The following GRIK2 variants were observed in gnomAD, a reference collection of about 807,000 sequenced individuals.
The protein encoded by GRIK2 is glutamate ionotropic receptor kainate type subunit 2.
Under a neutral mutation model 100.3 loss-of-function variants are expected in GRIK2, and 32 were observed. The observed-to-expected ratio is 0.32, with a 90% confidence interval of 0.24 to 0.43. The LOEUF (loss-of-function observed/expected upper bound fraction) is 0.43, where lower values mean the gene tolerates loss of function less well. Among genes scored for constraint, GRIK2 ranks in the 20% least tolerant of loss-of-function variants. The probability of loss-of-function intolerance (pLI) is 1.00; values close to 1 mark genes in which losing one functional copy is unlikely to be tolerated. For missense variants in GRIK2, 843 were observed against 1,114.9 expected (o/e 0.76, Z 3.47); for synonymous variants, 417 against 389.4 (o/e 1.07, Z -0.83).
At chr6:101,957,293 T>C (rs1389885867) in intron 14 of GRIK2, among the ~76,000 whole-genome samples, 1 of 151,946 alleles carries the variant, frequency 6.6e-6, no homozygotes. Context: ...TTGTATGTCT[T>C]ATTCTGAAAA....
intron 14 of GRIK2, among the ~76,000 whole-genome samples, chr6:102,031,127 A>ACACACACC (rs1313794193): frequency 1.7e-5 from 1 of 57,686 alleles, no homozygotes; most frequent in Non-Finnish European, 4.5e-5. Flanking sequence ...ACACACACAC[A>ACACACACC]CCCCCTTTGA....
intron 11 of GRIK2, among the ~76,000 whole-genome samples, chr6:101,873,834 C>A (rs1156453690): frequency 1.3e-5 from 2 of 152,106 alleles, no homozygotes; most frequent in Non-Finnish European, 2.9e-5. Flanking sequence ...ATTTGCATTT[C>A]TCTGATGGCC....
At chr6:101,619,150 T>C (rs962842339) in intron 2 of GRIK2, among the ~76,000 whole-genome samples, 1 of 151,142 alleles carries the variant, frequency 6.6e-6, no homozygotes, top group African/African-American at 2.4e-5. Context: ...AATTCTTTAC[T>C]AGATTTTTTT....
In GRIK2 at chr6:101,608,125, T is replaced by C. The variant is rs548113394; in HGVS notation, c.116-13824T>C. ...TTTTTTTCAATAGAAAACTGAAGTA[T>C]AAAAAATGAAGTGATTTGCCTAAGG... is the stretch of plus-strand genomic sequence containing the variant. On this transcript the variant is annotated intron_variant, in intron 2 of 16. Transcript: ENST00000369134. Among the ~76,000 whole-genome samples, 19 of 151,976 alleles carry C rather than the reference T, an allele frequency of 1.3e-4. 1 individual carries two copies. In the East Asian group the frequency reaches 3.5e-3, roughly 28 times the overall value.
chr6:101,907,466 T>C (rs1344112838), intron 12 of GRIK2, among the ~76,000 whole-genome samples: 1 of 151,688 alleles, frequency 6.6e-6, no homozygotes, highest in Non-Finnish European at 1.5e-5. Flanking sequence ...AGAAATAAGA[T>C]GACCTAACAA....
intron 7 of GRIK2, among the ~76,000 whole-genome samples, chr6:101,771,209 G>C (rs114804150): frequency 0.029 from 4,420 of 151,980 alleles, 234 homozygotes; most frequent in African/African-American, 0.1. Flanking sequence ...GCAAAAAGAA[G>C]CATATTAGTT....
intron 16 of GRIK2, among the ~76,000 whole-genome samples, chr6:102,064,361 TCC>T (rs1181827596): frequency 2.7e-5 from 4 of 145,596 alleles, no homozygotes; most frequent in Non-Finnish European, 4.5e-5. Context: ...TTTCCTTCCT[TCC>T]TTCTTTCTTT....
intron 7 of GRIK2, among the ~76,000 whole-genome samples, chr6:101,729,595 C>G (rs1775115260): frequency 6.6e-6 from 1 of 151,748 alleles, no homozygotes; most frequent in Non-Finnish European, 1.5e-5. Flanking sequence ...TCCTTATTTA[C>G]TAACTGAAAT....
rs372694698 is a variant in GRIK2, at chr6:101,789,922, G to A, written c.952-9726G>A. 3.3e-5 allele frequency among the ~76,000 whole-genome samples: 5 copies of A among 152,072 alleles called. No individual in the cohort carries two copies. The East Asian group carries it at 5.8e-4, about 18-fold the overall frequency. ...AGTTCTCCTTGAAGAGGTCCTTCAC[G>A]TCCCTTGTAAGTTGGATTCCTAAGT... On this transcript the variant is annotated intron_variant, in intron 7 of 16. Transcript: ENST00000369134.
chr6:101,909,375 T>TTTTTTGTTTG (rs1562480881), intron 12 of GRIK2, among the ~76,000 whole-genome samples: 1 of 117,916 alleles, frequency 8.5e-6, no homozygotes, highest in South Asian at 3.2e-4. Context: ...GATAGGGTTT[T>TTTTTTGTTTG]CTTTTTCTTT....
chr6:101,968,795 T>A (rs1792860033), intron 14 of GRIK2, among the ~76,000 whole-genome samples: 2 of 151,976 alleles, frequency 1.3e-5, no homozygotes, highest in South Asian at 2.1e-4. Flanking sequence ...AAAATATTAA[T>A]TAGAAGTATT....
At chr6:102,020,124 T>C (rs1324010644) in intron 14 of GRIK2, among the ~76,000 whole-genome samples, 1 of 151,934 alleles carries the variant, frequency 6.6e-6, no homozygotes, top group Non-Finnish European at 1.5e-5. Context: ...AGAGTAAGTA[T>C]CTCAGGGTCC....
intron 4 of GRIK2, among the ~76,000 whole-genome samples, chr6:101,643,929 C>T (rs905225708): frequency 3.3e-5 from 5 of 151,810 alleles, no homozygotes; most frequent in Middle Eastern, 6.8e-3. Context: ...AATCAACTAA[C>T]ATAGATTCTT....
At chr6:101,979,206 G>GT in intron 14 of GRIK2, among the ~76,000 whole-genome samples, 1 of 151,958 alleles carries the variant, frequency 6.6e-6, no homozygotes, top group South Asian at 2.1e-4. Flanking sequence ...TAGTCAGAGA[G>GT]TGGACTACAG....
chr6:101,690,243 A>G (rs1459115113), intron 7 of GRIK2, among the ~76,000 whole-genome samples: 1 of 151,366 alleles, frequency 6.6e-6, no homozygotes, highest in Admixed American at 6.6e-5. Flanking sequence ...TTGTGCTGAT[A>G]GATAATACCA....
intron 7 of GRIK2, among the ~76,000 whole-genome samples, chr6:101,725,899 A>ATT (rs1774829895): frequency 6.6e-6 from 1 of 151,896 alleles, no homozygotes; most frequent in East Asian, 1.9e-4. Flanking sequence ...AAAGAAGGGA[A>ATT]TTTTTCTTTT....
intron 14 of GRIK2, among the ~76,000 whole-genome samples, chr6:101,938,076 C>T (rs1329942609): frequency 1.3e-5 from 2 of 151,886 alleles, no homozygotes; most frequent in African/African-American, 4.8e-5. Flanking sequence ...AGTAATATCA[C>T]TTTGTTGTTT....
intron 2 of GRIK2, among the ~76,000 whole-genome samples, chr6:101,468,267 C>T (rs976344139): frequency 6.6e-6 from 1 of 152,116 alleles, no homozygotes; most frequent in Non-Finnish European, 1.5e-5. Flanking sequence ...AGAACTATAA[C>T]AGCAATGAGG....
intron 7 of GRIK2, among the ~76,000 whole-genome samples, chr6:101,703,056 A>G (rs1236978172): frequency 3.9e-5 from 6 of 151,960 alleles, no homozygotes; most frequent in South Asian, 2.1e-4. Context: ...TATTTGGCAC[A>G]TTAATAGGCA....
Sources: allele counts gnomAD v4.1 joint callset (sites outside exome capture counted in the v4.1 genomes callset), GRCh38; gene constraint gnomAD v4.1.1; transcripts MANE v1.5; gene names NCBI Gene and HGNC (gene_info 2026-07-23, HGNC 2026-07-21).